The following ABCC1 variants were observed in gnomAD, a reference collection of about 807,000 sequenced individuals.
ABCC1 encodes multidrug resistance-associated protein 1.
Under a neutral mutation model 172.9 loss-of-function variants are expected in ABCC1, and 83 were observed. That is an observed-to-expected ratio of 0.48 (90% CI 0.40 to 0.58). The LOEUF is 0.58. Ranked by LOEUF, ABCC1 falls within the 20% of genes least tolerant of loss-of-function variation. ABCC1 has a pLI of 0.00. For synonymous variants in ABCC1, 937 were observed against 825.2 expected (o/e 1.14, Z -2.32); for missense variants, 1,817 against 2,002.7 (o/e 0.91, Z 1.77).
intron 21 of ABCC1, among the ~76,000 whole-genome samples, chr16:16,108,157 A>G (rs1320795461): frequency 2.0e-5 from 3 of 152,046 alleles, no homozygotes; most frequent in African/African-American, 4.8e-5. Flanking sequence ...GGCCCATTTA[A>G]TCCTCATTTA....
intron 22 of ABCC1, among the ~76,000 whole-genome samples, chr16:16,112,007 C>T (rs1441515374): frequency 2.0e-5 from 3 of 152,056 alleles, no homozygotes; most frequent in African/African-American, 4.8e-5. Context: ...TGTTGTCCCT[C>T]AGGGATGTTT....
intron 5 of ABCC1, among the ~76,000 whole-genome samples, chr16:16,016,996 G>T (rs2048023780): frequency 6.6e-6 from 1 of 152,060 alleles, no homozygotes; most frequent in Admixed American, 6.6e-5. Flanking sequence ...ATCCTACAGG[G>T]CAGAGCTGAG....
chr16:16,017,077 T>G (rs1401751582), intron 5 of ABCC1, among the ~76,000 whole-genome samples: 1 of 115,508 alleles, frequency 8.7e-6, no homozygotes, highest in Non-Finnish European at 2.2e-5. Flanking sequence ...GGCAAATGCC[T>G]GGCCCCTGAG....
chr16:16,060,272 C>T (rs80160411), intron 12 of ABCC1, among the ~76,000 whole-genome samples: 1,778 of 152,248 alleles, frequency 0.012, 31 homozygotes, highest in African/African-American at 0.04. Flanking sequence ...TGTCCTCCTT[C>T]CTCATGCCCA....
At chr16:15,994,563 G>C (rs757473058) in intron 1 of ABCC1, among the ~76,000 whole-genome samples, 2 of 152,074 alleles carry the variant, frequency 1.3e-5, no homozygotes, top group African/African-American at 2.4e-5. Context: ...TCAGCATTTA[G>C]AAATGTCCTA....
intron 1 of ABCC1, among the ~76,000 whole-genome samples, chr16:15,958,658 TA>T (rs982363343): frequency 6.6e-6 from 1 of 152,176 alleles, no homozygotes; most frequent in Non-Finnish European, 1.5e-5. Context: ...TTGCCAAAAT[TA>T]ATTAATGGCC....
At chr16:16,141,045 T>C in intron 30 of ABCC1, 128 bp from the exon 31 acceptor site, 1 of 723,302 alleles carries the variant, frequency 1.4e-6, no homozygotes, top group Non-Finnish European at 2.4e-6. Flanking sequence ...TGGAAGGTAC[T>C]GCACCAGTCC....
intron 1 of ABCC1, among the ~76,000 whole-genome samples, chr16:15,981,507 G>A (rs1288379833): frequency 6.6e-6 from 1 of 152,154 alleles, no homozygotes; most frequent in Non-Finnish European, 1.5e-5. Flanking sequence ...GGCTTTTGAG[G>A]CTTGCACCCT....
In ABCC1 at chr16:16,141,258, G is replaced by A; in HGVS notation, c.4573G>A (p.Ala1525Thr). Residue 1525 changes from alanine to threonine, a missense_variant, in exon 31 of 31, where the codon GCC (alanine) becomes ACC (threonine). By Grantham distance (58) the Ala-to-Thr change is moderately conservative. Transcript: ENST00000399410. ...LQQRGLFYSM[A>T]KDAGLV ...GCAGAGAGGTCTTTTCTACAGCATG[G>A]CCAAAGACGCCGGCTTGGTGTGAGC... The A allele has an allele frequency of 4.3e-6, 7 of 1,613,984 alleles. No individual in the cohort carries two copies. The highest frequency in any genetic ancestry group is 5.9e-6 in the Non-Finnish European group (7 of 1,180,018).
intron 5 of ABCC1, among the ~76,000 whole-genome samples, chr16:16,024,728 G>T (rs1227602201): frequency 6.6e-6 from 1 of 152,116 alleles, no homozygotes; most frequent in Non-Finnish European, 1.5e-5. Flanking sequence ...GACACACTCA[G>T]GTTGGACAGG....
At chr16:15,949,588 T>TGCGGCC (rs1481495305), upstream of ABCC1, 1 of 174,452 alleles carries the variant, frequency 5.7e-6, no homozygotes, top group African/African-American at 3.0e-5. Flanking sequence ...CAGGCGGCGT[T>TGCGGCC]GCGGCCCCGG....
chr16:15,990,562 A>G (rs2046836577), intron 1 of ABCC1, among the ~76,000 whole-genome samples: 1 of 152,010 alleles, frequency 6.6e-6, no homozygotes, highest in African/African-American at 2.4e-5. Flanking sequence ...TGTGAGTGAG[A>G]TCTTGCAGTG....
chr16:16,045,790 C>G (rs758736164), intron 8 of ABCC1, 46 bp from the exon 9 acceptor site: 2 of 1,592,708 alleles, frequency 1.3e-6, no homozygotes, highest in Non-Finnish European at 8.6e-7. Context: ...TTCCCTGCCC[C>G]CACGTGTCAC....
intron 18 of ABCC1, 81 bp downstream of exon 18, chr16:16,087,072 T>C (rs944045633): frequency 6.8e-7 from 1 of 1,460,950 alleles, no homozygotes; most frequent in Admixed American, 2.2e-5. Context: ...TTAGGAGTCC[T>C]TTACTTTCTC....
intron 18 of ABCC1, among the ~76,000 whole-genome samples, 155 bp from the exon 19 acceptor site, chr16:16,090,250 T>C (rs552779230): frequency 1.2e-4 from 18 of 152,312 alleles, no homozygotes; most frequent in African/African-American, 4.3e-4. Context: ...CAGCTGCTCC[T>C]GGATGCTGTT....
intron 1 of ABCC1, among the ~76,000 whole-genome samples, chr16:15,954,799 G>T (rs2045951202): frequency 1.3e-5 from 2 of 151,990 alleles, no homozygotes. Context: ...GTAGATGGGG[G>T]GGAAGAAAAC....
chr16:16,016,744 C>T, intron 5 of ABCC1, 123 bp downstream of exon 5: 2 of 1,367,150 alleles, frequency 1.5e-6, no homozygotes, highest in Non-Finnish European at 2.0e-6. Flanking sequence ...ACCCCTGATA[C>T]AGGGAATATC....
intron 1 of ABCC1, among the ~76,000 whole-genome samples, chr16:16,003,382 C>G (rs13337533): frequency 0.17 from 2,927 of 16,948 alleles, 728 homozygotes; most frequent in Non-Finnish European, 0.23. Context: ...TGGTGGGTTG[C>G]TGGATGGGTG....
intron 20 of ABCC1, among the ~76,000 whole-genome samples, chr16:16,105,154 G>A (rs535185417): frequency 6.6e-6 from 1 of 152,210 alleles, no homozygotes; most frequent in African/African-American, 2.4e-5. Context: ...GAGAGCGAGC[G>A]AGGGCTGCGA....
Sources: gnomAD v4.1 joint callset for allele counts (sites outside exome capture counted in the v4.1 genomes callset) on GRCh38, gnomAD v4.1.1 for gene constraint, MANE v1.5 for transcripts, NCBI Gene and HGNC (gene_info 2026-07-23, HGNC 2026-07-21) for gene names.